The following PLCB1 variants were observed in gnomAD, a reference collection of about 807,000 sequenced individuals.
PLCB1 encodes the protein 1-phosphatidylinositol 4,5-bisphosphate phosphodiesterase beta-1.
Under a neutral mutation model 161.8 loss-of-function variants are expected in PLCB1, and 46 were observed. That is an observed-to-expected ratio of 0.28 (90% CI 0.22 to 0.36). PLCB1 has a LOEUF of 0.36. Among genes scored for constraint, PLCB1 ranks in the 10% least tolerant of loss-of-function variants. The pLI, the probability that PLCB1 is intolerant of heterozygous loss-of-function variation, is 1.00. For synonymous variants in PLCB1, 517 were observed against 503.7 expected (o/e 1.03, Z -0.35); for missense variants, 1,016 against 1,472.5 (o/e 0.69, Z 5.07).
chr20:8,781,413 C>CAA (rs1444392609), intron 27 of PLCB1, among the ~76,000 whole-genome samples: 3 of 21,430 alleles, frequency 1.4e-4, no homozygotes, highest in African/African-American at 2.8e-4. Context: ...CACACACACA[C>CAA]ACAAACACAC....
intron 2 of PLCB1, among the ~76,000 whole-genome samples, chr20:8,290,978 T>G (rs1983356063): frequency 6.6e-6 from 1 of 151,464 alleles, no homozygotes; most frequent in South Asian, 2.1e-4. Context: ...TATTCATCAG[T>G]GCTCAGAATA....
At chr20:8,243,306 C>T (rs1980712820) in intron 2 of PLCB1, among the ~76,000 whole-genome samples, 1 of 151,982 alleles carries the variant, frequency 6.6e-6, no homozygotes. Context: ...TTGCCTTAGA[C>T]TACAAATGCA....
chr20:8,797,021 CTTTG>C (rs1487558477), intron 31 of PLCB1, among the ~76,000 whole-genome samples: 5 of 152,068 alleles, frequency 3.3e-5, no homozygotes, highest in Admixed American at 6.5e-5. Context: ...GCAGAAATGT[CTTTG>C]TTTGTTTAAT....
chr20:8,784,357 G>A (rs1231469429), intron 27 of PLCB1, among the ~76,000 whole-genome samples: 1 of 152,094 alleles, frequency 6.6e-6, no homozygotes, highest in Non-Finnish European at 1.5e-5. Context: ...GAGGTCAGGA[G>A]TTCAAGAGCA....
chr20:8,245,235 C>T (rs1195047945), intron 2 of PLCB1, among the ~76,000 whole-genome samples: 1 of 151,708 alleles, frequency 6.6e-6, no homozygotes, highest in East Asian at 1.9e-4. Context: ...TTGTCACAAC[C>T]TATGTGTGTC....
chr20:8,522,210 C>T (rs548976804), intron 3 of PLCB1, among the ~76,000 whole-genome samples: 14 of 152,324 alleles, frequency 9.2e-5, no homozygotes, highest in Non-Finnish European at 1.9e-4. Flanking sequence ...GGATCTGGAG[C>T]TCCCCTTGGA....
At chr20:8,472,201 T>C (rs1266726701) in intron 3 of PLCB1, among the ~76,000 whole-genome samples, 1 of 152,228 alleles carries the variant, frequency 6.6e-6, no homozygotes, top group Non-Finnish European at 1.5e-5. Flanking sequence ...AGATACTTGA[T>C]TGTAAAGATA....
At chr20:8,747,524 A>C (rs927027833) in intron 23 of PLCB1, among the ~76,000 whole-genome samples, 1 of 152,210 alleles carries the variant, frequency 6.6e-6, no homozygotes, top group Non-Finnish European at 1.5e-5. Context: ...GTTTGGTAAT[A>C]CTAAAAGTTT....
chr20:8,170,676 C>G (rs1049196687), intron 2 of PLCB1, among the ~76,000 whole-genome samples: 1 of 152,068 alleles, frequency 6.6e-6, no homozygotes, highest in Non-Finnish European at 1.5e-5. Flanking sequence ...GACCTTTAAT[C>G]TCTGACTTTA....
chr20:8,593,478 G>GCCA (rs1987220459), intron 3 of PLCB1, among the ~76,000 whole-genome samples: 1 of 152,020 alleles, frequency 6.6e-6, no homozygotes, highest in Non-Finnish European at 1.5e-5. Flanking sequence ...ACAAGTGTGA[G>GCCA]CCACCACACC....
intron 31 of PLCB1, among the ~76,000 whole-genome samples, chr20:8,867,269 A>G (rs1308192061): frequency 6.6e-6 from 1 of 152,220 alleles, no homozygotes; most frequent in African/African-American, 2.4e-5. Context: ...GCTGAGGCCA[A>G]CACAAGGGCA....
In PLCB1 at chr20:8,839,845, A is replaced by G. The variant is rs879574205; in HGVS notation, c.3424-41777A>G. 1.0e-3 allele frequency among the ~76,000 whole-genome samples: 159 copies of G among 152,206 alleles called. 1 individual carries two copies. The highest frequency in any genetic ancestry group is 3.5e-3 in the African/African-American group (147 of 41,564). ...CAGGAGTTTGAGACCAGGCTGGCCA[A>G]CATGGCAAAGCCCGGTCTCTACTAA... is the stretch of plus-strand genomic sequence containing the variant. On this transcript the variant is annotated intron_variant, in intron 31 of 31. Transcript: ENST00000338037.
intron 27 of PLCB1, among the ~76,000 whole-genome samples, chr20:8,781,460 C>G (rs1488211534): frequency 1.3e-5 from 2 of 150,576 alleles, no homozygotes; most frequent in Non-Finnish European, 3.0e-5. Flanking sequence ...AGATCCAAAT[C>G]CATATAGTTT....
intron 3 of PLCB1, among the ~76,000 whole-genome samples, chr20:8,592,347 C>G (rs1392438460): frequency 1.3e-5 from 2 of 152,214 alleles, no homozygotes; most frequent in African/African-American, 4.8e-5. Flanking sequence ...TATTTTATCA[C>G]TATTACCCAT....
At chr20:8,806,821 G>A (rs1984560990) in intron 31 of PLCB1, among the ~76,000 whole-genome samples, 1 of 152,152 alleles carries the variant, frequency 6.6e-6, no homozygotes, top group Non-Finnish European at 1.5e-5. Flanking sequence ...TCTTGCTAGA[G>A]AAACGTCTCC....
At chr20:8,156,265 C>A (rs1314356505) in intron 2 of PLCB1, among the ~76,000 whole-genome samples, 1 of 152,202 alleles carries the variant, frequency 6.6e-6, no homozygotes, top group African/African-American at 2.4e-5. Flanking sequence ...GGTGGGATAA[C>A]TTAAAGGTGC....
intron 3 of PLCB1, among the ~76,000 whole-genome samples, chr20:8,477,327 T>G (rs1467111230): frequency 6.6e-6 from 1 of 152,176 alleles, no homozygotes; most frequent in Non-Finnish European, 1.5e-5. Context: ...TCCTTTCCTA[T>G]CTAATCGTTT....
rs141666482 is a variant in PLCB1, at chr20:8,539,588, C to G, written c.247-88706C>G. Among the ~76,000 whole-genome samples, 22 of 151,558 alleles carry G rather than the reference C, an allele frequency of 1.5e-4. No individual in the cohort carries two copies. The East Asian group carries it at 4.3e-3, about 29-fold the overall frequency. On this transcript the variant is annotated intron_variant, in intron 3 of 31. Coordinates refer to ENST00000338037, the MANE Select transcript of PLCB1 (RefSeq NM_015192.4). ...CCAGTGCCTAATATTATGCTTGGAA[C>G]AGGGTAGATACTTGCCTCTTTTCTT...
In PLCB1 at chr20:8,509,232, A is replaced by AC. The variant is rs1471101461; in HGVS notation, c.247-119056dup. 6.1e-3 allele frequency among the ~76,000 whole-genome samples: 925 copies of AC among 151,676 alleles called. 7 individuals are homozygous for AC. Among genetic ancestry groups the AC allele is most frequent in the African/African-American group, 0.02 (839 of 41,312 alleles). On this transcript the variant is annotated intron_variant, in intron 3 of 31. Coordinates refer to ENST00000338037, the MANE Select transcript of PLCB1 (RefSeq NM_015192.4). Reference sequence around the variant, plus strand: ...GCTTTGTGTTGTATGCTACAGAGTGACCCCCCACAAGTTCCTTGCCCATGT... The same window carrying AC: ...GCTTTGTGTTGTATGCTACAGAGTGACCCCCCCACAAGTTCCTTGCCCATGT...
Sources: gnomAD v4.1 joint callset for allele counts (sites outside exome capture counted in the v4.1 genomes callset) on GRCh38, gnomAD v4.1.1 for gene constraint, MANE v1.5 for transcripts, NCBI Gene and HGNC (gene_info 2026-07-23, HGNC 2026-07-21) for gene names.